The following LRRTM4 variants were observed in gnomAD, a reference collection of about 807,000 sequenced individuals.
LRRTM4 encodes the protein leucine rich repeat transmembrane neuronal 4, also known as leucine-rich repeat transmembrane neuronal protein 4.
LRRTM4 carries 25 observed loss-of-function variants against 47.6 expected under a neutral mutation model. The observed-to-expected ratio is 0.53, with a 90% confidence interval of 0.38 to 0.73. LRRTM4 has a LOEUF of 0.73. LRRTM4 is among the 30% of genes least tolerant of loss of function. The probability of loss-of-function intolerance (pLI) is 0.00; values close to 1 mark genes in which losing one functional copy is unlikely to be tolerated. For missense variants in LRRTM4, 638 were observed against 713.4 expected, an observed-to-expected ratio of 0.89 and a Z score of 1.20; for synonymous variants, 311 against 269.5, an observed-to-expected ratio of 1.15 and a Z score of -1.51.
intron 3 of LRRTM4, among the ~76,000 whole-genome samples, chr2:77,307,289 T>C (rs1324864940): frequency 6.6e-6 from 1 of 151,806 alleles, no homozygotes; most frequent in Non-Finnish European, 1.5e-5. Flanking sequence ...TTCTCTGAAA[T>C]GTGACTTAGT....
At chr2:77,201,338 T>A (rs1467021566) in intron 3 of LRRTM4, among the ~76,000 whole-genome samples, 1 of 152,146 alleles carries the variant, frequency 6.6e-6, no homozygotes, top group Non-Finnish European at 1.5e-5. Flanking sequence ...ACTGTTATAT[T>A]TCCTTGCTTT....
intron 3 of LRRTM4, among the ~76,000 whole-genome samples, chr2:77,185,378 T>A (rs1337078923): frequency 6.6e-6 from 1 of 152,178 alleles, no homozygotes; most frequent in Non-Finnish European, 1.5e-5. Context: ...AAAGGTCATA[T>A]TTTGGTCTCC....
intron 3 of LRRTM4, among the ~76,000 whole-genome samples, chr2:77,205,988 A>G (rs1284880614): frequency 1.3e-5 from 2 of 151,660 alleles, no homozygotes; most frequent in Admixed American, 6.6e-5. Flanking sequence ...GACATGCACC[A>G]CCACCCCTGG....
intron 3 of LRRTM4, among the ~76,000 whole-genome samples, chr2:77,162,262 A>G (rs879961023): frequency 1.3e-5 from 2 of 152,170 alleles, no homozygotes; most frequent in Admixed American, 6.5e-5. Flanking sequence ...AGGTGGCAGC[A>G]AGGCTGGGGG....
At chr2:77,359,579 T>C (rs1413247659) in intron 3 of LRRTM4, among the ~76,000 whole-genome samples, 1 of 152,224 alleles carries the variant, frequency 6.6e-6, no homozygotes, top group African/African-American at 2.4e-5. Context: ...AAATATAGTG[T>C]TGTAAATTAC....
chr2:76,924,396 T>G (rs1045193045), intron 3 of LRRTM4, among the ~76,000 whole-genome samples: 7 of 152,082 alleles, frequency 4.6e-5, no homozygotes, highest in African/African-American at 1.7e-4. Flanking sequence ...CTTTGGCTCA[T>G]TAGAGCCAGG....
chr2:77,196,089 C>T (rs1253662018), intron 3 of LRRTM4, among the ~76,000 whole-genome samples: 2 of 152,100 alleles, frequency 1.3e-5, no homozygotes, highest in African/African-American at 4.8e-5. Flanking sequence ...TTTATTAGTA[C>T]ATTAGAAATA....
chr2:77,309,684 TAGA>T (rs1677392708), intron 3 of LRRTM4, among the ~76,000 whole-genome samples: 3 of 2,868 alleles, frequency 1.0e-3, no homozygotes, highest in East Asian at 0.018. Flanking sequence ...AGACAGATGA[TAGA>T]TAGATAGATA....
chr2:77,024,574 G>C (rs1261267360), intron 3 of LRRTM4, among the ~76,000 whole-genome samples: 1 of 144,190 alleles, frequency 6.9e-6, no homozygotes, highest in East Asian at 2.0e-4. Context: ...ATTTTTTTTT[G>C]TTACTAATGA....
At chr2:76,853,233 T>C (rs1208909523) in intron 3 of LRRTM4, among the ~76,000 whole-genome samples, 2 of 152,188 alleles carry the variant, frequency 1.3e-5, no homozygotes, top group South Asian at 2.1e-4. Flanking sequence ...GTCGCTATCA[T>C]AGCTGTGGTG....
chr2:77,312,363 T>C (rs1310210920), intron 3 of LRRTM4, among the ~76,000 whole-genome samples: 2 of 152,186 alleles, frequency 1.3e-5, no homozygotes, highest in Non-Finnish European at 2.9e-5. Flanking sequence ...TTTAGTTGTA[T>C]CAACGAGGTA....
At chr2:77,440,370 T>C (rs1424476655) in intron 3 of LRRTM4, among the ~76,000 whole-genome samples, 3 of 151,896 alleles carry the variant, frequency 2.0e-5, no homozygotes, top group Non-Finnish European at 4.4e-5. Flanking sequence ...GCCAAGATCG[T>C]GCCACTGCAC....
At chr2:77,067,695 A>G (rs1439899152) in intron 3 of LRRTM4, among the ~76,000 whole-genome samples, 1 of 151,222 alleles carries the variant, frequency 6.6e-6, no homozygotes, top group African/African-American at 2.4e-5. Context: ...GTACACACAC[A>G]CACACACACA....
intron 3 of LRRTM4, among the ~76,000 whole-genome samples, chr2:77,171,315 C>T (rs865942337): frequency 1.1e-4 from 17 of 152,150 alleles, no homozygotes; most frequent in Admixed American, 5.2e-4. Context: ...CTACCTCTGA[C>T]GCCCAGGCAG....
intron 3 of LRRTM4, among the ~76,000 whole-genome samples, chr2:77,289,950 G>A (rs930472239): frequency 6.6e-6 from 1 of 151,890 alleles, no homozygotes; most frequent in African/African-American, 2.4e-5. Context: ...AAAACATCCA[G>A]GAGGAATTAT....
rs376299778 is a variant in LRRTM4, at chr2:76,754,691, G to A, written c.1552-5775C>T. On this transcript the variant is annotated intron_variant, in intron 3 of 3. Coordinates refer to ENST00000409884, the MANE Select transcript of LRRTM4 (RefSeq NM_001134745.3). ...CTAGCACCCCTCACCAATAGGTGAG[G>A]TGTCTACTTCCCTTTGCCTAGAATA... Among the ~76,000 whole-genome samples, 15 of 152,250 alleles carry A rather than the reference G, an allele frequency of 9.9e-5. No individual in the cohort carries two copies. In the East Asian group the frequency reaches 2.3e-3, roughly 24 times the overall value.
chr2:77,360,299 T>C (rs761256265), intron 3 of LRRTM4, among the ~76,000 whole-genome samples: 12 of 151,784 alleles, frequency 7.9e-5, no homozygotes, highest in East Asian at 2.0e-4. Flanking sequence ...CTACTAAAAA[T>C]ACAAAAAATT....
chr2:77,378,259 T>A (rs1248177594), intron 3 of LRRTM4, among the ~76,000 whole-genome samples: 1 of 152,090 alleles, frequency 6.6e-6, no homozygotes, highest in Non-Finnish European at 1.5e-5. Context: ...TTCAAATCAT[T>A]CTCCACTTTA....
chr2:76,794,274 G>C (rs536881856), intron 3 of LRRTM4, among the ~76,000 whole-genome samples: 12 of 152,294 alleles, frequency 7.9e-5, no homozygotes, highest in African/African-American at 2.9e-4. Context: ...AGAAGGAGCT[G>C]TGTCCTTAGA....
Sources: gnomAD v4.1 joint callset for allele counts (sites outside exome capture counted in the v4.1 genomes callset) on GRCh38, gnomAD v4.1.1 for gene constraint, MANE v1.5 for transcripts, NCBI Gene and HGNC (gene_info 2026-07-23, HGNC 2026-07-21) for gene names.